The following GARS1 variants were observed in gnomAD, a reference collection of about 807,000 sequenced individuals.
The protein encoded by GARS1 is glycyl-tRNA synthetase 1.
GARS1 carries 46 observed loss-of-function variants against 86.4 expected under a neutral mutation model. The ratio of observed to expected loss-of-function variants is 0.53; its 90% confidence interval spans 0.42 to 0.68. The LOEUF is 0.68. Among genes scored for constraint, GARS1 ranks in the 30% least tolerant of loss-of-function variants. GARS1 has a pLI of 0.00. For missense variants in GARS1, 797 were observed against 915.6 expected (o/e 0.87, Z 1.67); for synonymous variants, 342 against 329.8 (o/e 1.04, Z -0.40).
At chr7:30,627,231 C>A in intron 13 of GARS1, 1 of 347,310 alleles carries the variant, frequency 2.9e-6, no homozygotes, top group South Asian at 2.3e-5. Context: ...TGTCTTGTAG[C>A]CAGGCTTCAG....
chr7:30,596,207 T>C (rs533040851), intron 1 of GARS1, among the ~76,000 whole-genome samples: 11 of 152,316 alleles, frequency 7.2e-5, no homozygotes, highest in African/African-American at 1.9e-4. Context: ...AAATAATTCA[T>C]TGGGGCATAG....
chr7:30,627,538 G>A (rs1394311135), intron 13 of GARS1, among the ~76,000 whole-genome samples: 2 of 152,160 alleles, frequency 1.3e-5, no homozygotes, highest in Admixed American at 1.3e-4. Context: ...CTTAGACCTG[G>A]ACATTGCTTA....
chr7:30,610,187 C>G (rs1240373049), intron 7 of GARS1, among the ~76,000 whole-genome samples: 1 of 152,156 alleles, frequency 6.6e-6, no homozygotes, highest in Non-Finnish European at 1.5e-5. Context: ...CATAATGGGT[C>G]CAGTTCTTCT....
chr7:30,627,111 G>A (rs1316417695), intron 13 of GARS1: 2 of 458,240 alleles, frequency 4.4e-6, no homozygotes, highest in African/African-American at 4.1e-5. Context: ...GAAGGATGCT[G>A]AAGTTTATTT....
chr7:30,604,563 C>G (rs529450693), intron 6 of GARS1, among the ~76,000 whole-genome samples: 1 of 151,924 alleles, frequency 6.6e-6, no homozygotes, highest in Admixed American at 6.6e-5. Flanking sequence ...AGTTAACTTT[C>G]CAACATAGCT....
chr7:30,602,127 C>T (rs1380656332), intron 4 of GARS1, among the ~76,000 whole-genome samples: 8 of 151,610 alleles, frequency 5.3e-5, no homozygotes, highest in Non-Finnish European at 8.8e-5. Context: ...CTCGCTCTGT[C>T]CCCCAGGCTG....
chr7:30,597,209 AACTCAG>A (rs1186198001), intron 1 of GARS1, among the ~76,000 whole-genome samples: 3 of 152,214 alleles, frequency 2.0e-5, no homozygotes, highest in Non-Finnish European at 2.9e-5. Flanking sequence ...TAATCTGCGT[AACTCAG>A]TGAACCAGTG....
At chr7:30,602,408 G>A (rs1168850796) in intron 4 of GARS1, among the ~76,000 whole-genome samples, 2 of 152,152 alleles carry the variant, frequency 1.3e-5, no homozygotes, top group African/African-American at 4.8e-5. Flanking sequence ...TTTGTAACTC[G>A]TCATTATTCA....
At position 30,612,252 on chromosome 7, in the gene GARS1, C is replaced by T. The variant is rs1259749685; in HGVS notation, c.1031+7C>T. ...CTGGACTGATCAGAGTCAGGTACTG[C>T]TCAGGTTACTCTTACAAATTAGTGA... On this transcript the variant is annotated splice_region_variant and intron_variant, in intron 8 of 16. Coordinates refer to ENST00000389266, the MANE Select transcript of GARS1 (RefSeq NM_002047.4). 1 of 1,613,118 alleles carries T rather than the reference C, an allele frequency of 6.2e-7. No homozygotes were observed. The highest frequency in any genetic ancestry group is 1.3e-5 in the African/African-American group (1 of 74,892).
At chr7:30,624,967 G>C (rs1783097744) in intron 12 of GARS1, among the ~76,000 whole-genome samples, 1 of 151,484 alleles carries the variant, frequency 6.6e-6, no homozygotes, top group East Asian at 1.9e-4. Flanking sequence ...TTTTGAGATG[G>C]AGTCTCACTC....
rs770645408 is a variant in GARS1 at position 30,599,938 on chromosome 7, C to G, written c.325-9C>G. On this transcript the variant is annotated splice_polypyrimidine_tract_variant and intron_variant, in intron 2 of 16. Transcript: ENST00000389266. Reference sequence around the variant, plus strand: ...TCCACTCACTCACTTTTTATTTAATCTCTAACAGGAGCTGGCGTTACAGCC... The same window carrying G: ...TCCACTCACTCACTTTTTATTTAATGTCTAACAGGAGCTGGCGTTACAGCC... The G allele has an allele frequency of 7.2e-5, 91 of 1,265,080 alleles. No homozygotes were observed. Among genetic ancestry groups the G allele is most frequent in the Non-Finnish European group, 9.3e-5 (84 of 901,140 alleles). 78.4% of individuals were successfully genotyped at this position (1,265,080 alleles called of 1,614,324 possible).
chr7:30,615,873 A>T lies in GARS1; in HGVS notation c.1032-23A>T, dbSNP rs2527878. 157,029 of 1,613,316 alleles carry T rather than the reference A, an allele frequency of 0.097. 8,823 individuals are homozygous for T. The highest frequency in any genetic ancestry group is 0.19 in the East Asian group (8,555 of 44,868). On this transcript the variant is annotated intron_variant, in intron 8 of 16. Coordinates refer to ENST00000389266, the MANE Select transcript of GARS1 (RefSeq NM_002047.4). ...TTTTTGTAGTTAAATATGCAGGTTT[A>T]TCGCTTACGTTTTTGCTTTCAGAGA... is the stretch of plus-strand genomic sequence containing the variant.
At chr7:30,600,523 T>A (rs1009548138) in intron 3 of GARS1, among the ~76,000 whole-genome samples, 3 of 152,208 alleles carry the variant, frequency 2.0e-5, no homozygotes, top group African/African-American at 7.2e-5. Flanking sequence ...TATAGGCAAA[T>A]ACAATTCACT....
At chr7:30,598,766 T>C in intron 1 of GARS1, 30 bp from the exon 2 acceptor site, 1 of 1,554,994 alleles carries the variant, frequency 6.4e-7, no homozygotes, top group Middle Eastern at 1.7e-4. Flanking sequence ...CTGAAACCAA[T>C]CCTGAATATA....
In GARS1 at chr7:30,632,024, T is replaced by C. The variant is rs1783244114; in HGVS notation, c.1904-223T>C. On this transcript the variant is annotated intron_variant, in intron 15 of 16. Transcript: ENST00000389266. This position sits in a 1 kb window ranked among gnomAD's most constrained non-coding sequence, Gnocchi z 4.1. ...TGGCCTTGGCTCTTGGTCCCATATT[T>C]GTTCCCCCTATAGCTGTATCAGATG... 1.8e-5 allele frequency: 10 copies of C among 542,600 alleles called. 1 individual carries two copies. The South Asian group carries it at 2.0e-4, about 11-fold the overall frequency. 33.6% of individuals were successfully genotyped at this position (542,600 alleles called of 1,614,324 possible). A position where few individuals can be genotyped will look rare whatever the true frequency, so the allele number is the denominator to read the frequency against.
intron 4 of GARS1, among the ~76,000 whole-genome samples, chr7:30,601,464 T>C (rs1162089399): frequency 2.0e-5 from 3 of 152,214 alleles, no homozygotes; most frequent in African/African-American, 7.2e-5. Flanking sequence ...TTTCATGTAA[T>C]ATTGATGAAC....
intron 14 of GARS1, among the ~76,000 whole-genome samples, chr7:30,629,026 C>T (rs1373329218): frequency 6.6e-6 from 1 of 152,130 alleles, no homozygotes; most frequent in Non-Finnish European, 1.5e-5. Context: ...TAGAATTTAG[C>T]CAGACCACTA....
intron 11 of GARS1, 80 bp downstream of exon 11, chr7:30,621,580 G>A (rs866029760): frequency 2.0e-6 from 2 of 996,942 alleles, no homozygotes; most frequent in South Asian, 1.3e-5. Context: ...TCTTTACCTT[G>A]TTCTATGGAT....
chr7:30,606,757 T>C lies in GARS1; in HGVS notation c.736-2828T>C, dbSNP rs143887862. On this transcript the variant is annotated intron_variant, in intron 6 of 16. Coordinates refer to ENST00000389266, the MANE Select transcript of GARS1 (RefSeq NM_002047.4). ...TTCTCCAAGGAGCCCTGGTACTTGG[T>C]ACTTATTAGTGGGGATGGTATTGAT... Among the ~76,000 whole-genome samples the C allele has an allele frequency of 2.2e-4, 34 of 152,352 alleles. 1 individual carries two copies. The East Asian group carries it at 6.2e-3, about 28-fold the overall frequency.
Sources: allele counts gnomAD v4.1 joint callset (sites outside exome capture counted in the v4.1 genomes callset), GRCh38; gene constraint gnomAD v4.1.1; non-coding constraint Gnocchi (gnomAD v3.1); transcripts MANE v1.5; gene names NCBI Gene and HGNC (gene_info 2026-07-23, HGNC 2026-07-21).